Variants in HAAO observed in about 807,000 individuals in gnomAD.
The protein encoded by HAAO is 3-hydroxyanthranilate 3,4-dioxygenase.
A neutral mutation model predicts 46.2 loss-of-function variants in HAAO; 49 were observed. That is an observed-to-expected ratio of 1.06 (90% CI 0.84 to 1.34). HAAO has a LOEUF of 1.34. Ranked by LOEUF, HAAO falls within the 40% of genes most tolerant of loss-of-function variation. The pLI is 0.00. For missense variants in HAAO, 408 were observed against 364.5 expected (o/e 1.12, Z -0.97); for synonymous variants, 157 against 145.2 (o/e 1.08, Z -0.58).
At chr2:42,785,414 C>G (rs770655568) in intron 2 of HAAO, among the ~76,000 whole-genome samples, 10 of 152,234 alleles carry the variant, frequency 6.6e-5, no homozygotes, top group Non-Finnish European at 1.2e-4. Context: ...AGATTCAAAA[C>G]TATACCCAGC....
intron 2 of HAAO, among the ~76,000 whole-genome samples, chr2:42,788,311 C>T (rs571711435): frequency 1.3e-5 from 2 of 151,774 alleles, no homozygotes; most frequent in Admixed American, 6.6e-5. Flanking sequence ...GGGGCTCCCC[C>T]AGCAGAGGTG....
chr2:42,772,753 A>C (rs777067132), intron 4 of HAAO, among the ~76,000 whole-genome samples: 1 of 152,092 alleles, frequency 6.6e-6, no homozygotes, highest in East Asian at 1.9e-4. Context: ...TATGACTTTG[A>C]TAATCAGAAA....
At chr2:42,776,210 T>C (rs1425216304) in intron 4 of HAAO, among the ~76,000 whole-genome samples, 1 of 151,380 alleles carries the variant, frequency 6.6e-6, no homozygotes, top group African/African-American at 2.4e-5. Context: ...TCTGTAATTT[T>C]ATGTTTGACT....
intron 1 of HAAO, among the ~76,000 whole-genome samples, chr2:42,791,792 G>T (rs1201889512): frequency 6.6e-6 from 1 of 152,170 alleles, no homozygotes; most frequent in Non-Finnish European, 1.5e-5. Context: ...CTGGGGGGAT[G>T]AGGGAGGTGA....
Position 42,780,049 on chromosome 2 carries a change from A to T in HAAO, c.350+3265T>A, listed in dbSNP as rs116765110. 9.1e-3 allele frequency among the ~76,000 whole-genome samples: 1,386 copies of T among 152,256 alleles called. 16 individuals are homozygous for T. The highest frequency in any genetic ancestry group is 0.032 in the African/African-American group (1,335 of 41,538). ...ATCAGTAATAATCATAATTATATTA[A>T]ATTATTGTGTGCCACAGAGGTAACA... On this transcript the variant is annotated intron_variant, in intron 4 of 9. Transcript: ENST00000294973.
intron 4 of HAAO, among the ~76,000 whole-genome samples, chr2:42,779,622 A>T (rs983837679): frequency 6.6e-6 from 1 of 152,122 alleles, no homozygotes; most frequent in Non-Finnish European, 1.5e-5. Context: ...GCCCAGCTTC[A>T]TGCTATTTTT....
chr2:42,784,979 G>T (rs1306552119), intron 2 of HAAO, among the ~76,000 whole-genome samples: 2 of 152,226 alleles, frequency 1.3e-5, no homozygotes, highest in Non-Finnish European at 1.5e-5. Flanking sequence ...TCAGGAATGA[G>T]ACCTCAGTTC....
chr2:42,778,679 C>T (rs1429090490), intron 4 of HAAO, among the ~76,000 whole-genome samples: 1 of 152,102 alleles, frequency 6.6e-6, no homozygotes, highest in East Asian at 1.9e-4. Flanking sequence ...CATCTTCAGG[C>T]CCAGTAGAAG....
At chr2:42,784,941 A>C (rs1672282023) in intron 2 of HAAO, among the ~76,000 whole-genome samples, 1 of 152,228 alleles carries the variant, frequency 6.6e-6, no homozygotes, top group South Asian at 2.1e-4. Context: ...GCTGGTCACC[A>C]CACAACCTTG....
intron 4 of HAAO, among the ~76,000 whole-genome samples, chr2:42,778,715 C>G (rs1671770082): frequency 6.6e-6 from 1 of 152,116 alleles, no homozygotes; most frequent in Admixed American, 6.5e-5. Flanking sequence ...AACTGCATTC[C>G]TGAAACACAG....
chr2:42,789,327 T>C (rs1672615083), intron 1 of HAAO, among the ~76,000 whole-genome samples: 1 of 152,188 alleles, frequency 6.6e-6, no homozygotes, highest in Non-Finnish European at 1.5e-5. Flanking sequence ...ATGCCTGTAA[T>C]CCCAGCACTT....
At chr2:42,772,525 A>G (rs1671216719) in intron 4 of HAAO, among the ~76,000 whole-genome samples, 2 of 152,092 alleles carry the variant, frequency 1.3e-5, no homozygotes, top group African/African-American at 4.8e-5. Flanking sequence ...TTAAGTAAAA[A>G]AAGATATAGG....
rs777651119 is a variant in HAAO, at chr2:42,792,343, G to T, written c.80+114C>A. 8.8e-6 allele frequency: 5 copies of T among 566,492 alleles called. No homozygotes were observed. The East Asian group carries it at 1.6e-4, about 18-fold the overall frequency. The allele number at this position is 566,492 out of a possible 1,614,324, so 35.1% of individuals were successfully genotyped here. A position where few individuals can be genotyped will look rare whatever the true frequency, so the allele number is the denominator to read the frequency against. Reference sequence around the variant, plus strand: ...TTCCCCCAAGAACCAAGAGATTAAAGCGGTCCTTCTGCAAGCTTCTGGGTC... The same window carrying T: ...TTCCCCCAAGAACCAAGAGATTAAATCGGTCCTTCTGCAAGCTTCTGGGTC... On this transcript the variant is annotated intron_variant, in intron 1 of 9. Transcript: ENST00000294973.
intron 9 of HAAO, 30 bp downstream of exon 9, chr2:42,767,565 T>G: frequency 6.3e-7 from 1 of 1,586,824 alleles, no homozygotes; most frequent in Non-Finnish European, 8.6e-7. Flanking sequence ...ACCCTGAGGA[T>G]CCCAGGGAAA....
chr2:42,770,078 C>T (rs1670990205), intron 6 of HAAO, 65 bp downstream of exon 6: 11 of 1,498,828 alleles, frequency 7.3e-6, no homozygotes, highest in Non-Finnish European at 1.0e-5. Flanking sequence ...GTCCCCTGGA[C>T]CAAAACCCAT....
At chr2:42,792,019 C>T (rs1196171858) in intron 1 of HAAO, among the ~76,000 whole-genome samples, 3 of 152,082 alleles carry the variant, frequency 2.0e-5, no homozygotes, top group Non-Finnish European at 4.4e-5. Context: ...TCTCTGCCTC[C>T]CCCTTTGCCT....
chr2:42,776,632 C>A (rs62145487), intron 4 of HAAO, among the ~76,000 whole-genome samples: 5 of 148,060 alleles, frequency 3.4e-5, no homozygotes, highest in African/African-American at 1.2e-4. Flanking sequence ...TGAGTTGTTT[C>A]CTTTTTTTTT....
At chr2:42,786,174 T>C (rs992230994) in intron 2 of HAAO, among the ~76,000 whole-genome samples, 2 of 152,176 alleles carry the variant, frequency 1.3e-5, no homozygotes, top group Admixed American at 1.3e-4. Flanking sequence ...CTTACTGCCT[T>C]ACTGGGCAGG....
chr2:42,781,708 A>G (rs1672012580), intron 4 of HAAO, among the ~76,000 whole-genome samples: 1 of 152,090 alleles, frequency 6.6e-6, no homozygotes, highest in South Asian at 2.1e-4. Context: ...CCCAATTTCT[A>G]CTAAAAATTC....
Sources: gnomAD v4.1 joint callset for allele counts (sites outside exome capture counted in the v4.1 genomes callset) on GRCh38, gnomAD v4.1.1 for gene constraint, MANE v1.5 for transcripts, NCBI Gene and HGNC (gene_info 2026-07-23, HGNC 2026-07-21) for gene names.